DSG4: variants seen among roughly 807,000 people sequenced by gnomAD.
DSG4 encodes the protein desmoglein-4.
DSG4 carries 87 observed loss-of-function variants against 93.1 expected under a neutral mutation model. The ratio of observed to expected loss-of-function variants is 0.93; its 90% CI spans 0.79 to 1.12. The LOEUF (loss-of-function observed/expected upper bound fraction) is 1.12. Ranked by LOEUF, DSG4 falls within the 50% of genes most tolerant of loss-of-function variation. The probability of loss-of-function intolerance (pLI) is 0.00; values close to 1 mark genes in which losing one functional copy is unlikely to be tolerated. For missense variants in DSG4, 1,373 were observed against 1,285.7 expected, an observed-to-expected ratio of 1.07 and a Z score of -1.04; for synonymous variants, 432 against 452.9, an observed-to-expected ratio of 0.95 and a Z score of 0.59.
rs369383765 is a variant in DSG4, at chr18:31,398,669, GT to G, written c.1006-602del. 1.4e-4 allele frequency among the ~76,000 whole-genome samples: 21 copies of G among 151,996 alleles called. No homozygotes were observed. In the East Asian group the frequency reaches 3.1e-3, roughly 22 times the overall value. ...TTTATCCAGAATACCCATTTCAAAG[GT>G]GACTTTTCTCTGGGCATGGCATTTA... On this transcript the variant is annotated intron_variant, in intron 8 of 15. Coordinates refer to ENST00000308128, the MANE Select transcript of DSG4 (RefSeq NM_177986.5).
rs1415673967 is a variant in DSG4, at chr18:31,376,976, G to C, written c.48+17G>C. 6.2e-7 allele frequency: 1 copy of C among 1,612,610 alleles called. No homozygotes were observed. Among genetic ancestry groups the C allele is most frequent in the Non-Finnish European group, 8.5e-7 (1 of 1,179,014 alleles). ...ATTCTAATGGTAAGTAGAATTTAAA[G>C]AGGTGGGAAGGAAATGCAGCCTCAA... On this transcript the variant is annotated intron_variant, in intron 1 of 15. Transcript: ENST00000308128.
rs746270707 is a variant in DSG4 at position 31,399,504 on chromosome 18, C to T, written c.1238C>T (p.Ala413Val). 1 of 1,613,996 alleles carries T rather than the reference C, an allele frequency of 6.2e-7. No individual in the cohort carries two copies. The highest frequency in any genetic ancestry group is 2.2e-5 in the East Asian group (1 of 44,872). Residue 413 changes from alanine (A) to valine (V), a missense_variant, in exon 9 of 16, where the codon GCC becomes GTC. Transcript: ENST00000308128. ...AATTATGTGCTTGGCACATATACAG[C>T]CATAGATTTGGACACAGGAAACCCT... ...LLNYVLGTYT[A>V]IDLDTGNPAT... is the part of the protein sequence containing the mutation.
At chr18:31,394,685 A>G (rs1326862270) in intron 8 of DSG4, among the ~76,000 whole-genome samples, 45 of 152,076 alleles carry the variant, frequency 3.0e-4, no homozygotes, top group Non-Finnish European at 5.6e-4. Context: ...AAATGGAAAA[A>G]AAAAAAAAAA....
chr18:31,379,186 C>T (rs997184010), intron 1 of DSG4, among the ~76,000 whole-genome samples: 6 of 152,088 alleles, frequency 3.9e-5, no homozygotes, highest in East Asian at 1.9e-4. Flanking sequence ...AACAGTGAAT[C>T]GAGATTCAGA....
In DSG4 at chr18:31,409,599, G is replaced by C. The variant is rs1241344767; in HGVS notation, c.2073+8G>C. ...GCCCATCCCGAGGACAGGGTAAGTG[G>C]ACTGTCACTCTCCAGAGAAGTGTGG... On this transcript the variant is annotated splice_region_variant and intron_variant, in intron 13 of 15. Coordinates refer to ENST00000308128, the MANE Select transcript of DSG4 (RefSeq NM_177986.5). The C allele has an allele frequency of 1.9e-6, 3 of 1,614,080 alleles. No homozygotes were observed. Among genetic ancestry groups the C allele is most frequent in the Non-Finnish European group, 2.5e-6 (3 of 1,180,050 alleles).
chr18:31,410,391 A>G (rs1273514244), intron 14 of DSG4, among the ~76,000 whole-genome samples: 1 of 151,600 alleles, frequency 6.6e-6, no homozygotes, highest in African/African-American at 2.4e-5. Flanking sequence ...TATATATAAC[A>G]TACATGTGTA....
intron 1 of DSG4, among the ~76,000 whole-genome samples, chr18:31,383,712 T>C (rs971879882): frequency 1.8e-4 from 28 of 151,950 alleles, no homozygotes; most frequent in Non-Finnish European, 1.8e-4. Flanking sequence ...CTCTCCCAAA[T>C]CCCCCTTAAA....
At chr18:31,406,019 C>A (rs949218439) in intron 11 of DSG4, 58 bp from the exon 12 acceptor site, 7 of 1,597,816 alleles carry the variant, frequency 4.4e-6, no homozygotes, top group African/African-American at 1.3e-5. Flanking sequence ...GAGTTAACCA[C>A]CCCCCTAGCC....
In DSG4 at chr18:31,390,576, CTCTG is replaced by C. The variant is rs1195355505; in HGVS notation, c.518-76_518-73del. ...AGAGAATTCAGGAGAAGGCCAACCA[CTCTG>C]TCTTCTTATGCCTAATGATTTGCTG... On this transcript the variant is annotated intron_variant, in intron 5 of 15. Coordinates refer to ENST00000308128, the MANE Select transcript of DSG4 (RefSeq NM_177986.5). 5 of 1,554,034 alleles carry C rather than the reference CTCTG, an allele frequency of 3.2e-6. No homozygotes were observed. The African/African-American group carries it at 4.1e-5, about 13-fold the overall frequency.
chr18:31,412,780 T>C (rs2072508664), intron 15 of DSG4, 48 bp from the exon 16 acceptor site: 2 of 1,605,578 alleles, frequency 1.2e-6, no homozygotes, highest in Non-Finnish European at 1.7e-6. Context: ...TTCTTCCTTA[T>C]TTTAGGGAAA....
chr18:31,382,648 G>A (rs1285118402), intron 1 of DSG4, among the ~76,000 whole-genome samples: 1 of 152,104 alleles, frequency 6.6e-6, no homozygotes, highest in Non-Finnish European at 1.5e-5. Flanking sequence ...TAGGGCCTGG[G>A]AGTAATACCT....
intron 1 of DSG4, 54 bp downstream of exon 1, chr18:31,377,013 T>G: frequency 1.7e-5 from 27 of 1,580,080 alleles, no homozygotes; most frequent in East Asian, 4.5e-5. Flanking sequence ...GTCTTGTCTC[T>G]GTCAACTGTC....
chr18:31,407,778 C>T (rs976420742), intron 12 of DSG4, among the ~76,000 whole-genome samples: 1 of 152,198 alleles, frequency 6.6e-6, no homozygotes, highest in Non-Finnish European at 1.5e-5. Context: ...CAGAATATAA[C>T]TCTACAGCAA....
Position 31,391,147 on chromosome 18 carries a change from G to C in DSG4, c.754G>C (p.Glu252Gln), listed in dbSNP as rs1213919986. The change falls in exon 7 of 16, where the codon GAG (glutamate) becomes CAG (glutamine). Residue 252 changes from glutamate (E) to glutamine (Q), a missense_variant. Physicochemically the swap from Glu to Gln is conservative, Grantham distance 29. Coordinates refer to ENST00000308128, the MANE Select transcript of DSG4 (RefSeq NM_177986.5). The part of the protein sequence containing the change: ...RDGAADGLSS[E>Q]CDCRIKVLDV... ...TGGAGCTGCAGATGGACTGTCTTCT[G>C]AGTGTGACTGTAGAATCAAGGTTTT... is the stretch of plus-strand genomic sequence containing the variant. 1 of 1,613,670 alleles carries C rather than the reference G, an allele frequency of 6.2e-7. No individual in the cohort carries two copies. Among genetic ancestry groups the C allele is most frequent in the Non-Finnish European group, 8.5e-7 (1 of 1,179,788 alleles).
chr18:31,400,071 C>G (rs972929485), intron 9 of DSG4, among the ~76,000 whole-genome samples: 6 of 152,210 alleles, frequency 3.9e-5, no homozygotes, highest in Admixed American at 2.0e-4. Flanking sequence ...TATTGGGGCA[C>G]TAGGTACCTA....
rs1260708000 is a variant in DSG4 at position 31,406,289 on chromosome 18, A to G, written c.1849A>G (p.Thr617Ala). The G allele has an allele frequency of 2.5e-6, 4 of 1,614,244 alleles. No homozygotes were observed. The South Asian group carries it at 4.4e-5, about 18-fold the overall frequency. Residue 617 changes from threonine (T) to alanine (A), a missense_variant, in exon 12 of 16, where the codon ACT becomes GCT. By Grantham distance (58) the Thr-to-Ala change is moderately conservative. Transcript: ENST00000308128. The part of the protein sequence containing the change: ...DITGDTYGPV[T>A]EDQAGVSNVG... The stretch of plus-strand genomic sequence containing the variant: ...AACTGGTGACACGTATGGGCCTGTC[A>G]CTGAAGACCAAGCTGGAGTTTCAAA...
chr18:31,399,473 T>G lies in DSG4; in HGVS notation c.1207T>G (p.Leu403Val). Residue 403 changes from leucine to valine, a missense_variant, in exon 9 of 16, where the codon TTA (leucine) becomes GTA (valine). Physicochemically the swap from Leu to Val is conservative, Grantham distance 32 (BLOSUM62 1). Coordinates refer to ENST00000308128, the MANE Select transcript of DSG4 (RefSeq NM_177986.5). ...SVREGIKGSS[L>V]LNYVLGTYTA... ...GCGGGAAGGAATAAAAGGAAGTTCC[T>G]TATTGAATTATGTGCTTGGCACATA... 1 of 1,614,104 alleles carries G rather than the reference T, an allele frequency of 6.2e-7. No individual in the cohort carries two copies. The highest frequency in any genetic ancestry group is 1.1e-5 in the South Asian group (1 of 91,084).
rs538418336 is a variant in DSG4 at position 31,391,444 on chromosome 18, A to G, written c.819+232A>G. On this transcript the variant is annotated intron_variant, in intron 7 of 15. Transcript: ENST00000308128. ...GCCTTCTCTGTGAAAGCAACGAACTATCTATTCTGTATACTCTATTCACAG... is the reference window on the plus strand; with the variant it reads ...GCCTTCTCTGTGAAAGCAACGAACTGTCTATTCTGTATACTCTATTCACAG... Among the ~76,000 whole-genome samples the G allele has an allele frequency of 1.2e-4, 18 of 152,284 alleles. 1 individual carries two copies. The highest frequency in any genetic ancestry group is 2.1e-4 in the South Asian group (1 of 4,834).
rs1255200124 is a variant in DSG4, at chr18:31,385,161, T to C, written c.74T>C (p.Phe25Ser). The C allele has an allele frequency of 3.1e-6, 5 of 1,595,250 alleles. No homozygotes were observed. Among genetic ancestry groups the C allele is most frequent in the Non-Finnish European group, 4.3e-6 (5 of 1,168,246 alleles). ...GTGGTGATGGAAGTAAACAGTGAAT[T>C]TATTGTTGAGGTAATGTAAAATAAA... ...LMVVMEVNSE[F>S]IVEVKEFDIE... Residue 25 changes from phenylalanine (F) to serine (S), a missense_variant, in exon 2 of 16, where the codon TTT becomes TCT. Phe to Ser is a radical substitution (Grantham distance 155). Transcript: ENST00000308128.
Sources: allele counts gnomAD v4.1 joint callset (sites outside exome capture counted in the v4.1 genomes callset), GRCh38; gene constraint gnomAD v4.1.1; transcripts MANE v1.5; gene names NCBI Gene and HGNC (gene_info 2026-07-23, HGNC 2026-07-21).